ZNF600: variants seen among roughly 807,000 people sequenced by gnomAD.
ZNF600 encodes zinc finger protein 600.
In ZNF600, 4 loss-of-function variants were observed where a neutral mutation model predicts 7.3. The observed-to-expected ratio is 0.55, with a 90% CI of 0.27 to 1.25. The LOEUF (loss-of-function observed/expected upper bound fraction) is 1.25, where lower values mean the gene tolerates loss of function less well. Ranked by LOEUF, ZNF600 falls within the 50% of genes most tolerant of loss-of-function variation. ZNF600 has a pLI of 0.12. For missense variants in ZNF600, 911 were observed against 922.1 expected (o/e 0.99, Z 0.16); for synonymous variants, 290 against 308.9 (o/e 0.94, Z 0.64).
At chr19:52,779,015 C>T (rs2062699162) in intron 1 of ZNF600, 108 bp from the exon 4 acceptor site, 2 of 951,820 alleles carry the variant, frequency 2.1e-6, no homozygotes, top group African/African-American at 1.7e-5. Flanking sequence ...AAGTCCCCCA[C>T]CGCCCACTGC....
chr19:52,775,989 G>A (rs1433098393), intron 2 of ZNF600, among the ~76,000 whole-genome samples: 11 of 150,354 alleles, frequency 7.3e-5, no homozygotes, highest in African/African-American at 2.7e-4. Flanking sequence ...CTGGGTGACA[G>A]AGCAATACTC....
chr19:52,800,317 G>A, the ZNF600 span: 1 of 1,613,502 alleles, frequency 6.2e-7, no homozygotes, highest in South Asian at 1.1e-5. Flanking sequence ...TGTTCTGTAA[G>A]GCATGAATCA....
the ZNF600 span, chr19:52,809,792 G>T: frequency 4.0e-6 from 2 of 501,372 alleles, no homozygotes; most frequent in Non-Finnish European, 3.5e-6. Flanking sequence ...GTGACAGAGC[G>T]AAAAAAAAGG....
chr19:52,831,048 G>A, the ZNF600 span, among the ~76,000 whole-genome samples: 1 of 152,076 alleles, frequency 6.6e-6, no homozygotes, highest in Non-Finnish European at 1.5e-5. Context: ...TGAGGTGAAA[G>A]CAGTTTTACG....
chr19:52,826,280 CAG>C, the ZNF600 span, among the ~76,000 whole-genome samples: 1 of 152,094 alleles, frequency 6.6e-6, no homozygotes, highest in South Asian at 2.1e-4. Context: ...ATTAAAAGTG[CAG>C]AGTCAAAACT....
At chr19:52,774,259 G>A (rs752859463) in intron 3 of ZNF600, among the ~76,000 whole-genome samples, 14 of 151,556 alleles carry the variant, frequency 9.2e-5, no homozygotes, top group East Asian at 2.0e-4. Context: ...GAGAAACCCC[G>A]TCTCTACTGA....
At chr19:52,766,617 T>C (rs368689819) in exon 4 of ZNF600, 1 of 1,614,164 alleles carries the variant, frequency 6.2e-7, no homozygotes, top group Non-Finnish European at 8.5e-7. Context: ...CTCTCCACCA[T>C]GAAGTCTATG....
At chr19:52,782,087 G>A (rs550222958) in intron 1 of ZNF600, among the ~76,000 whole-genome samples, 3 of 151,946 alleles carry the variant, frequency 2.0e-5, no homozygotes, top group East Asian at 1.9e-4. Context: ...CATTAGCCAG[G>A]CCTCGTGGGG....
At chr19:52,779,565 G>T (rs568130947) in intron 1 of ZNF600, among the ~76,000 whole-genome samples, 1 of 152,172 alleles carries the variant, frequency 6.6e-6, no homozygotes, top group Non-Finnish European at 1.5e-5. Flanking sequence ...ACGTGGACCA[G>T]AGGTGGGGTG....
chr19:52,772,921 C>A (rs1202888134), intron 3 of ZNF600, among the ~76,000 whole-genome samples: 2 of 152,244 alleles, frequency 1.3e-5, no homozygotes, highest in African/African-American at 4.8e-5. Flanking sequence ...CTGAAGCCAT[C>A]CCTCATGGAT....
At chr19:52,793,111 A>G in the ZNF600 span, among the ~76,000 whole-genome samples, 1 of 151,722 alleles carries the variant, frequency 6.6e-6, no homozygotes, top group East Asian at 1.9e-4. Flanking sequence ...CCTCAGGTCA[A>G]TGCTGAGTTG....
intron 1 of ZNF600, 65 bp downstream of exon 2, chr19:52,781,252 T>G (rs1201265098): frequency 1.3e-5 from 2 of 151,982 alleles, no homozygotes; most frequent in Non-Finnish European, 2.9e-5. Flanking sequence ...AGTCACACAC[T>G]GTATTTTGTC....
At chr19:52,827,262 A>AT in the ZNF600 span, among the ~76,000 whole-genome samples, 2 of 151,444 alleles carry the variant, frequency 1.3e-5, no homozygotes, top group Non-Finnish European at 1.5e-5. Flanking sequence ...AAAAAAAAAA[A>AT]GAAAAAAAGA....
At chr19:52,822,703 A>G in the ZNF600 span, among the ~76,000 whole-genome samples, 2 of 152,176 alleles carry the variant, frequency 1.3e-5, no homozygotes, top group African/African-American at 4.8e-5. Context: ...GGAGGTGACT[A>G]TCTGTGTCAG....
rs1234269169 is a variant in ZNF600, at chr19:52,769,180, C to T, written c.191-1408G>A. On this transcript the variant is annotated intron_variant, in intron 3 of 3. Transcript: ENST00000648973. ...CCGGGAAAGGGAGTCTCCCTTTCCC[C>T]GGGGGAGTTTAGAGAACACTCTCCT... Among the ~76,000 whole-genome samples, 8 of 152,052 alleles carry T rather than the reference C, an allele frequency of 5.3e-5. No homozygotes were observed. In the East Asian group the frequency reaches 9.8e-4, roughly 19 times the overall value.
Position 52,780,015 on chromosome 19 carries a change from C to CA in ZNF600, c.-19-1109dup, listed in dbSNP as rs990626585. Among the ~76,000 whole-genome samples, 44 of 151,650 alleles carry CA rather than the reference C, an allele frequency of 2.9e-4. No homozygotes were observed. The South Asian group carries it at 6.5e-3, about 22-fold the overall frequency. The stretch of plus-strand genomic sequence containing the variant: ...TGGGTGACAAAAGGAGACTTCATCT[C>CA]AAAAAAAAGGAAACTCAAAAGATTG... On this transcript the variant is annotated intron_variant, in intron 1 of 3. Transcript: ENST00000648973.
the ZNF600 span, among the ~76,000 whole-genome samples, chr19:52,820,339 G>A: frequency 1.5e-5 from 2 of 134,794 alleles, no homozygotes; most frequent in East Asian, 2.2e-4. Context: ...GGATGGTCTC[G>A]ATCTCCTGAC....
At chr19:52,777,483 G>C (rs939613845) in intron 2 of ZNF600, among the ~76,000 whole-genome samples, 13 of 152,190 alleles carry the variant, frequency 8.5e-5, no homozygotes, top group African/African-American at 2.9e-4. Flanking sequence ...CAAGGCTATA[G>C]TGAGCTATGA....
the ZNF600 span, among the ~76,000 whole-genome samples, chr19:52,823,681 A>G: frequency 1.3e-5 from 2 of 152,144 alleles, no homozygotes; most frequent in African/African-American, 2.4e-5. Flanking sequence ...TCGCCCTTGT[A>G]GTTTGCCTTA....
Sources: gnomAD v4.1 joint callset for allele counts (sites outside exome capture counted in the v4.1 genomes callset) on GRCh38, gnomAD v4.1.1 for gene constraint, MANE v1.5 for transcripts, NCBI Gene and HGNC (gene_info 2026-07-23, HGNC 2026-07-21) for gene names.